OXR1: variants seen among roughly 807,000 people sequenced by gnomAD.
OXR1 encodes the protein oxidation resistance 1, also known as oxidation resistance protein 1.
OXR1 carries 41 observed loss-of-function variants against 104.6 expected under a neutral mutation model. The observed-to-expected ratio is 0.39, with a 90% confidence interval of 0.31 to 0.51. The LOEUF (loss-of-function observed/expected upper bound fraction) is 0.51. OXR1 is among the 20% of genes least tolerant of loss of function. OXR1 has a pLI of 0.77. For missense variants in OXR1, 955 were observed against 1,031.9 expected, an observed-to-expected ratio of 0.93 and a Z score of 1.02; for synonymous variants, 348 against 348.4, an observed-to-expected ratio of 1.00 and a Z score of 0.01.
rs551398270 is a variant in OXR1, at chr8:106,493,746, T to C, written c.24-25197T>C. ...ATATCAAGGTTATACTTGTTTACAT[T>C]CTACATTTATATTTATGGTTATTAT... On this transcript the variant is annotated intron_variant, in intron 2 of 16. Coordinates refer to ENST00000517566, the MANE Select transcript of OXR1 (RefSeq NM_001198533.2). 1.1e-4 allele frequency among the ~76,000 whole-genome samples: 16 copies of C among 152,332 alleles called. No individual in the cohort carries two copies. In the South Asian group the frequency reaches 3.1e-3, roughly 30 times the overall value.
At chr8:106,554,688 C>A (rs144477081) in intron 3 of OXR1, among the ~76,000 whole-genome samples, 4 of 152,056 alleles carry the variant, frequency 2.6e-5, no homozygotes, top group Non-Finnish European at 5.9e-5. Context: ...CTTATGTCAC[C>A]CCCAGATGTG....
chr8:106,588,731 G>A (rs779920290), intron 3 of OXR1, among the ~76,000 whole-genome samples: 50 of 151,926 alleles, frequency 3.3e-4, no homozygotes, highest in East Asian at 9.7e-4. Flanking sequence ...CGCCCTCCTC[G>A]GCCTCCCAAA....
chr8:106,435,849 G>A (rs907579298), intron 2 of OXR1, among the ~76,000 whole-genome samples: 3 of 152,202 alleles, frequency 2.0e-5, no homozygotes, highest in South Asian at 4.1e-4. Context: ...ACCCTTCAGT[G>A]CTCTGATCAC....
intron 3 of OXR1, among the ~76,000 whole-genome samples, chr8:106,643,087 G>A (rs1823793359): frequency 6.6e-6 from 1 of 152,130 alleles, no homozygotes. Flanking sequence ...CTTAACAGAG[G>A]CAAATTTATG....
intron 1 of OXR1, among the ~76,000 whole-genome samples, chr8:106,327,498 A>G (rs2130206363): frequency 6.6e-6 from 1 of 152,358 alleles, no homozygotes; most frequent in Non-Finnish European, 1.5e-5. Flanking sequence ...AATACTTAAC[A>G]AATGAGATAC....
intron 1 of OXR1, among the ~76,000 whole-genome samples, chr8:106,312,226 A>T (rs1020057718): frequency 6.6e-6 from 1 of 152,230 alleles, no homozygotes; most frequent in Admixed American, 6.5e-5. Context: ...GTTAACAATC[A>T]TAGTACCAAA....
At chr8:106,679,765 T>C (rs944552752) in intron 4 of OXR1, among the ~76,000 whole-genome samples, 1 of 151,954 alleles carries the variant, frequency 6.6e-6, no homozygotes, top group Non-Finnish European at 1.5e-5. Context: ...GAGCTTTTTT[T>C]TTTTTTTCTG....
At chr8:106,311,546 C>T (rs1025877250) in intron 1 of OXR1, among the ~76,000 whole-genome samples, 4 of 152,096 alleles carry the variant, frequency 2.6e-5, no homozygotes, top group African/African-American at 4.8e-5. Context: ...ATTCTGAACT[C>T]GTTCCTACTA....
chr8:106,403,671 C>G (rs143820420), intron 2 of OXR1, among the ~76,000 whole-genome samples: 12 of 152,346 alleles, frequency 7.9e-5, no homozygotes, highest in Non-Finnish European at 1.6e-4. Flanking sequence ...GCATTTCCAA[C>G]TTGTTCACTG....
chr8:106,315,097 G>T (rs1445770816), intron 1 of OXR1, among the ~76,000 whole-genome samples: 1 of 151,670 alleles, frequency 6.6e-6, no homozygotes, highest in Non-Finnish European at 1.5e-5. Flanking sequence ...GTAGTAGAAA[G>T]GGTCCTAGGC....
intron 2 of OXR1, among the ~76,000 whole-genome samples, chr8:106,384,460 C>T (rs1016498763): frequency 7.2e-5 from 11 of 152,098 alleles, no homozygotes; most frequent in African/African-American, 1.7e-4. Flanking sequence ...CCTAGGCCTT[C>T]AACACTGTGT....
At chr8:106,382,130 G>A (rs1180185826) in intron 2 of OXR1, among the ~76,000 whole-genome samples, 1 of 152,172 alleles carries the variant, frequency 6.6e-6, no homozygotes, top group Non-Finnish European at 1.5e-5. Flanking sequence ...CCAGCTTTAA[G>A]TCCTGGCTCT....
rs562555045 is a variant in OXR1 at position 106,329,086 on chromosome 8, G to A, written c.-138-30390G>A. Among the ~76,000 whole-genome samples the A allele has an allele frequency of 4.1e-3, 626 of 152,150 alleles. 2 individuals are homozygous for A. Among genetic ancestry groups the A allele is most frequent in the Non-Finnish European group, 6.9e-3 (470 of 68,008 alleles). The stretch of plus-strand genomic sequence containing the variant: ...TGCTCACCGCATCCTCTGCCTCCTG[G>A]GTTCAAGCGATTGTCCTGCCTCAGC... On this transcript the variant is annotated intron_variant, in intron 1 of 16. Coordinates refer to ENST00000517566, the MANE Select transcript of OXR1 (RefSeq NM_001198533.2).
In OXR1 at chr8:106,368,286, G is replaced by GA. The variant is rs201655519; in HGVS notation, c.23+8654dup. On this transcript the variant is annotated intron_variant, in intron 2 of 16. Transcript: ENST00000517566. The stretch of plus-strand genomic sequence containing the variant: ...AAAAAGAAAAGATACCAAGGTAATG[G>GA]AAAACCATTTTCATGAATATAACCA... Among the ~76,000 whole-genome samples, 1,007 of 152,034 alleles carry GA rather than the reference G, an allele frequency of 6.6e-3. 8 individuals are homozygous for GA. Among genetic ancestry groups the GA allele is most frequent in the Non-Finnish European group, 0.011 (754 of 67,980 alleles).
chr8:106,735,664 AG>A (rs1834302469), intron 11 of OXR1, among the ~76,000 whole-genome samples: 1 of 152,184 alleles, frequency 6.6e-6, no homozygotes, highest in African/African-American at 2.4e-5. Context: ...CCATGAAAAA[AG>A]AAAGAAAAAT....
intron 11 of OXR1, among the ~76,000 whole-genome samples, chr8:106,737,221 A>G (rs1834462499): frequency 6.6e-6 from 1 of 152,140 alleles, no homozygotes; most frequent in Non-Finnish European, 1.5e-5. Context: ...TGTGTTTTAT[A>G]TAGTGTTTTC....
chr8:106,714,569 G>T (rs982326209), intron 11 of OXR1, among the ~76,000 whole-genome samples: 3 of 151,902 alleles, frequency 2.0e-5, no homozygotes, highest in Non-Finnish European at 2.9e-5. Flanking sequence ...TTGTTTAAAT[G>T]GTCAAAGTTA....
At chr8:106,682,599 TG>T (rs956941221) in intron 4 of OXR1, 2 of 154,256 alleles carry the variant, frequency 1.3e-5, no homozygotes, top group African/African-American at 4.8e-5. Flanking sequence ...CCTTGTGTAA[TG>T]GGGACTTTAA....
At chr8:106,734,380 A>T (rs1342518930) in intron 11 of OXR1, among the ~76,000 whole-genome samples, 1 of 152,152 alleles carries the variant, frequency 6.6e-6, no homozygotes, top group Non-Finnish European at 1.5e-5. Context: ...TCCTTCTTTA[A>T]CATATTTTTT....
Sources: gnomAD v4.1 joint callset for allele counts (sites outside exome capture counted in the v4.1 genomes callset) on GRCh38, gnomAD v4.1.1 for gene constraint, MANE v1.5 for transcripts, NCBI Gene and HGNC (gene_info 2026-07-23, HGNC 2026-07-21) for gene names.